The following ZNF718 variants were observed in gnomAD, a reference collection of about 807,000 sequenced individuals.
ZNF718 encodes the protein zinc finger protein 718.
In ZNF718, 3 loss-of-function variants were observed where a neutral mutation model predicts 2.6. The ratio of observed to expected loss-of-function variants is 1.16; its 90% CI spans 0.53 to 3.01. The LOEUF is 3.01. ZNF718 is among the 30% of genes most tolerant of loss of function. The probability of loss-of-function intolerance (pLI) is 0.03; values close to 1 mark genes in which losing one functional copy is unlikely to be tolerated. For missense variants in ZNF718, 468 were observed against 230.0 expected (o/e 2.03, Z -6.69); for synonymous variants, 135 against 77.9 (o/e 1.73, Z -3.86).
At chr4:186,034 A>G (rs1201850404) in intron 3 of ZNF718, among the ~76,000 whole-genome samples, 1 of 152,048 alleles carries the variant, frequency 6.6e-6, no homozygotes, top group African/African-American at 2.4e-5. Context: ...TGATCCTGTC[A>G]TCATGATGCT....
chr4:125,786 C>T lies in ZNF718; in HGVS notation c.3+1113C>T, dbSNP rs575280865. On this transcript the variant is annotated intron_variant, in intron 1 of 3. Coordinates refer to ENST00000510175, the MANE Select transcript of ZNF718 (RefSeq NM_001039127.6). ...CTCCTGAGCACGCCCACTGGGCATT[C>T]GCACGGCCACACCTGGCCTAAGACA... 5.7e-4 allele frequency among the ~76,000 whole-genome samples: 87 copies of T among 152,330 alleles called. No homozygotes were observed. In the South Asian group the frequency reaches 0.018, roughly 31 times the overall value.
At chr4:146,394 T>A (rs1455333588) in intron 3 of ZNF718, among the ~76,000 whole-genome samples, 4 of 152,132 alleles carry the variant, frequency 2.6e-5, no homozygotes, top group African/African-American at 9.7e-5. Flanking sequence ...TGCTGAGCAA[T>A]TTACTGATAA....
chr4:168,888 C>T (rs1205121353), downstream of ZNF718, among the ~76,000 whole-genome samples: 1 of 152,148 alleles, frequency 6.6e-6, no homozygotes, highest in Non-Finnish European at 1.5e-5. Flanking sequence ...TTCTTGCCTT[C>T]TGCTAGCTTT....
At chr4:145,649 G>A (rs1466419083) in intron 3 of ZNF718, among the ~76,000 whole-genome samples, 1 of 151,916 alleles carries the variant, frequency 6.6e-6, no homozygotes, top group Non-Finnish European at 1.5e-5. Context: ...ATAGAGGCAG[G>A]GTTTTGCCAT....
chr4:179,250 T>G (rs782722726), intron 3 of ZNF718, among the ~76,000 whole-genome samples: 1 of 152,228 alleles, frequency 6.6e-6, no homozygotes, highest in Non-Finnish European at 1.5e-5. Context: ...ACCATTTGTT[T>G]GTCTTTATGC....
intron 3 of ZNF718, among the ~76,000 whole-genome samples, chr4:159,178 A>T (rs1445520450): frequency 6.6e-6 from 1 of 151,706 alleles, no homozygotes; most frequent in Non-Finnish European, 1.5e-5. Flanking sequence ...CTGGGACTAC[A>T]GGCATGTGCA....
intron 3 of ZNF718, chr4:149,714 T>G (rs1560116399): frequency 6.6e-6 from 1 of 152,184 alleles, no homozygotes; most frequent in South Asian, 2.1e-4. Flanking sequence ...TTATTTTCTT[T>G]GGTGGTCATC....
At chr4:175,403 G>A (rs929639077) in intron 3 of ZNF718, among the ~76,000 whole-genome samples, 2 of 152,170 alleles carry the variant, frequency 1.3e-5, no homozygotes, top group African/African-American at 4.8e-5. Flanking sequence ...AACCAGATGT[G>A]GAACCAGAAC....
chr4:184,478 T>C (rs782557382), intron 3 of ZNF718, among the ~76,000 whole-genome samples: 2 of 152,144 alleles, frequency 1.3e-5, no homozygotes, highest in Non-Finnish European at 2.9e-5. Flanking sequence ...TCTTTTTTTG[T>C]TGTTGTATCT....
rs1473923536 is a variant in ZNF718 at position 162,650 on chromosome 4, T to C, written c.*528T>C. 1 of 152,208 alleles carries C rather than the reference T, an allele frequency of 6.6e-6. No individual in the cohort carries two copies. The highest frequency in any genetic ancestry group is 1.5e-5 in the Non-Finnish European group (1 of 68,068). 9.4% of individuals were successfully genotyped at this position (152,208 alleles called of 1,614,324 possible). A position where few individuals can be genotyped will look rare whatever the true frequency, so the allele number is the denominator to read the frequency against. On this transcript the variant is annotated 3_prime_UTR_variant, in exon 4 of 4. Coordinates refer to ENST00000510175, the MANE Select transcript of ZNF718 (RefSeq NM_001039127.6). Reference sequence around the variant, plus strand: ...GTAGTACCTGTACTTGCATCATGGGTCTTATTGTGCATATTTCATACTAGA... The same window carrying C: ...GTAGTACCTGTACTTGCATCATGGGCCTTATTGTGCATATTTCATACTAGA...
At chr4:143,553 C>T (rs553415577) in intron 3 of ZNF718, among the ~76,000 whole-genome samples, 2 of 152,250 alleles carry the variant, frequency 1.3e-5, no homozygotes, top group South Asian at 4.2e-4. Context: ...CACTAGGCAC[C>T]AACAGACCAA....
At chr4:189,147 G>T (rs2108815768) in intron 3 of ZNF718, among the ~76,000 whole-genome samples, 1 of 144,330 alleles carries the variant, frequency 6.9e-6, no homozygotes, top group South Asian at 2.2e-4. Flanking sequence ...TGCAACCTCT[G>T]CCTCCTGGGT....
intron 3 of ZNF718, among the ~76,000 whole-genome samples, chr4:188,471 A>T (rs1315248795): frequency 6.6e-6 from 1 of 152,174 alleles, no homozygotes; most frequent in Non-Finnish European, 1.5e-5. Flanking sequence ...GGGTCTTATC[A>T]TATGAGGTGC....
At chr4:129,752 A>G (rs1192013092) in intron 1 of ZNF718, among the ~76,000 whole-genome samples, 1 of 86,128 alleles carries the variant, frequency 1.2e-5, no homozygotes, top group Non-Finnish European at 2.4e-5. Context: ...CCGTCTCTCT[A>G]TATTGAGCTA....
rs34256266 is a variant in ZNF718 at position 159,386 on chromosome 4, A to AT, written c.227-1514dup. ...ATATTACAATTCCATGACATCTGGA[A>AT]TTTTTTTTTTTTGACAGATTCACTG... On this transcript the variant is annotated intron_variant, in intron 3 of 3. Transcript: ENST00000510175. 1.6e-3 allele frequency among the ~76,000 whole-genome samples: 244 copies of AT among 148,398 alleles called. 1 individual carries two copies. The highest frequency in any genetic ancestry group is 4.7e-3 in the South Asian group (22 of 4,720).
chr4:162,178 T>A lies in ZNF718; in HGVS notation c.*56T>A. 1 of 631,140 alleles carries A rather than the reference T, an allele frequency of 1.6e-6. No individual in the cohort carries two copies. 39.1% of individuals were successfully genotyped at this position (631,140 alleles called of 1,614,324 possible). A position where few individuals can be genotyped will look rare whatever the true frequency, so the allele number is the denominator to read the frequency against. On this transcript the variant is annotated 3_prime_UTR_variant, in exon 4 of 4. Transcript: ENST00000510175. Reference sequence around the variant, plus strand: ...TTCCTCAGTCTTTTCTAATCATAATTCATACTGGAGAGAAACTCTACACAT... The same window carrying A: ...TTCCTCAGTCTTTTCTAATCATAATACATACTGGAGAGAAACTCTACACAT...
chr4:157,735 G>T (rs1479700126), intron 3 of ZNF718, among the ~76,000 whole-genome samples: 1 of 152,002 alleles, frequency 6.6e-6, no homozygotes, highest in African/African-American at 2.4e-5. Flanking sequence ...TTTGTTGAGG[G>T]TCTTTTTGTG....
intron 3 of ZNF718, among the ~76,000 whole-genome samples, chr4:181,492 ATTTG>A (rs1161803439): frequency 6.6e-6 from 1 of 151,990 alleles, no homozygotes; most frequent in Non-Finnish European, 1.5e-5. Context: ...GTTCAGCTTT[ATTTG>A]TTTGCATGTT....
intron 3 of ZNF718, among the ~76,000 whole-genome samples, chr4:180,108 T>G (rs1581478370): frequency 1.3e-5 from 2 of 152,300 alleles, no homozygotes; most frequent in South Asian, 4.1e-4. Flanking sequence ...ATCACTGTTT[T>G]GCTATACAAG....
Sources: gnomAD v4.1 joint callset for allele counts (sites outside exome capture counted in the v4.1 genomes callset) on GRCh38, gnomAD v4.1.1 for gene constraint, MANE v1.5 for transcripts, NCBI Gene and HGNC (gene_info 2026-07-23, HGNC 2026-07-21) for gene names.